Variants in PTPDC1 observed in about 807,000 individuals in gnomAD.
The protein encoded by PTPDC1 is protein tyrosine phosphatase domain containing 1.
PTPDC1 carries 53 observed loss-of-function variants against 75.3 expected under a neutral mutation model. That is an observed-to-expected ratio of 0.70 (90% confidence interval 0.56 to 0.88). The LOEUF (loss-of-function observed/expected upper bound fraction) is 0.88, where lower values mean the gene tolerates loss of function less well. Among genes scored for constraint, PTPDC1 ranks in the 40% least tolerant of loss-of-function variants. PTPDC1 has a pLI of 0.00. For missense variants in PTPDC1, 925 were observed against 998.6 expected (o/e 0.93, Z 0.99); for synonymous variants, 349 against 366.2 (o/e 0.95, Z 0.54).
intron 1 of PTPDC1, chr9:94,031,163 G>C (rs939111311): frequency 3.3e-5 from 5 of 152,220 alleles, no homozygotes; most frequent in African/African-American, 1.2e-4. Context: ...CGCACACTCA[G>C]TATGGTTCTT....
At chr9:94,051,492 A>T (rs1483880860) in intron 1 of PTPDC1, among the ~76,000 whole-genome samples, 2 of 152,180 alleles carry the variant, frequency 1.3e-5, no homozygotes, top group African/African-American at 4.8e-5. Context: ...TTGGGCGATG[A>T]TCCCTACTCT....
chr9:94,049,196 C>T (rs1392929689), intron 1 of PTPDC1, among the ~76,000 whole-genome samples: 3 of 152,092 alleles, frequency 2.0e-5, no homozygotes, highest in Non-Finnish European at 4.4e-5. Context: ...AGCATTTAGC[C>T]CATTTACATT....
At position 94,101,611 on chromosome 9, in the gene PTPDC1, G is replaced by A. The variant is rs764720936; in HGVS notation, c.2059G>A (p.Glu687Lys). 13 of 1,613,352 alleles carry A rather than the reference G, an allele frequency of 8.1e-6. No individual in the cohort carries two copies. Among genetic ancestry groups the A allele is most frequent in the South Asian group, 3.3e-5 (3 of 91,010 alleles). The change falls in exon 7 of 9, where the codon GAG (glutamate) becomes AAG (lysine). Residue 687 changes from glutamate (E) to lysine (K), a missense_variant. Coordinates refer to ENST00000620992, the MANE Select transcript of PTPDC1 (RefSeq NM_001253829.2). ...RDGAWERICG[E>K]RDPFILCSLM... is the part of the protein sequence containing the mutation. ...TGGAGCTTGGGAAAGAATATGTGGC[G>A]AGAGGGACCCTTTCATCCTATGCAG...
At chr9:94,102,705 G>A (rs372884641) in intron 7 of PTPDC1, among the ~76,000 whole-genome samples, 2 of 152,026 alleles carry the variant, frequency 1.3e-5, no homozygotes, top group East Asian at 3.9e-4. Context: ...TCAGCCTCCC[G>A]AGTAGCTGGG....
At chr9:94,057,196 A>G (rs779661059) in intron 1 of PTPDC1, among the ~76,000 whole-genome samples, 3 of 152,108 alleles carry the variant, frequency 2.0e-5, no homozygotes, top group Non-Finnish European at 4.4e-5. Flanking sequence ...CTCCCACCTC[A>G]GCCTCCCAAG....
chr9:94,103,197 C>T (rs1252200045), intron 7 of PTPDC1, among the ~76,000 whole-genome samples: 1 of 152,166 alleles, frequency 6.6e-6, no homozygotes, highest in Non-Finnish European at 1.5e-5. Context: ...TATCCGAAGT[C>T]CTTTTCTTAG....
At chr9:94,053,432 A>G (rs1365935374) in intron 1 of PTPDC1, among the ~76,000 whole-genome samples, 3 of 152,200 alleles carry the variant, frequency 2.0e-5, no homozygotes, top group African/African-American at 7.2e-5. Context: ...TCAGTTTAAA[A>G]GAAGACTATT....
intron 1 of PTPDC1, among the ~76,000 whole-genome samples, 162 bp from the exon 2 acceptor site, chr9:94,085,089 T>C (rs1827023195): frequency 6.6e-6 from 1 of 152,236 alleles, no homozygotes; most frequent in African/African-American, 2.4e-5. Flanking sequence ...AAGAGATATA[T>C]GTCACTTTGA....
At chr9:94,039,049 G>A (rs193177514) in intron 1 of PTPDC1, among the ~76,000 whole-genome samples, 205 of 152,250 alleles carry the variant, frequency 1.3e-3, no homozygotes, top group African/African-American at 4.6e-3. Context: ...TTATAATTTA[G>A]GATGGTCTTT....
intron 1 of PTPDC1, among the ~76,000 whole-genome samples, chr9:94,047,951 A>G (rs1305316293): frequency 6.6e-6 from 1 of 152,256 alleles, no homozygotes. Flanking sequence ...AAAAAAGTCC[A>G]GGAGCAGATG....
chr9:94,037,736 T>A (rs1201199184), intron 1 of PTPDC1, among the ~76,000 whole-genome samples: 1 of 152,048 alleles, frequency 6.6e-6, no homozygotes, highest in Non-Finnish European at 1.5e-5. Flanking sequence ...CCCCTTTCGG[T>A]CCTTAATTCC....
rs1008684658 is a variant in PTPDC1, at chr9:94,089,071, A to AT, written c.616+817dup. Among the ~76,000 whole-genome samples, 73 of 142,206 alleles carry AT rather than the reference A, an allele frequency of 5.1e-4. No individual in the cohort carries two copies. In the South Asian group the frequency reaches 6.9e-3, roughly 13 times the overall value. The allele number at this position is 142,206 out of a possible 152,430, so 93.3% of individuals were successfully genotyped here. A position where few individuals can be genotyped will look rare whatever the true frequency, so the allele number is the denominator to read the frequency against. On this transcript the variant is annotated intron_variant, in intron 4 of 8. Transcript: ENST00000620992. Reference sequence around the variant, plus strand: ...TTTTTCATATTTACATTTTTATTTTATTTTTTTTTAATTTTTTTTTATTAT... The same window carrying AT: ...TTTTTCATATTTACATTTTTATTTTATTTTTTTTTTAATTTTTTTTTATTAT...
At position 94,034,790 on chromosome 9, in the gene PTPDC1, CTT is replaced by C. The variant is rs768427405; in HGVS notation, c.-7+3665_-7+3666del. Among the ~76,000 whole-genome samples, 109 of 152,096 alleles carry C rather than the reference CTT, an allele frequency of 7.2e-4. No homozygotes were observed. The Middle Eastern group carries it at 0.01, about 14-fold the overall frequency. Reference sequence around the variant, plus strand: ...ATTAGAAAATTGTGCCCCCAATAATCTTTCTCAGTGGTTTCTCTGAATTTTTT... The same window carrying C: ...ATTAGAAAATTGTGCCCCCAATAATCTCTCAGTGGTTTCTCTGAATTTTTT... On this transcript the variant is annotated intron_variant, in intron 1 of 9. Coordinates refer to the PTPDC1 transcript ENST00000375360.
In PTPDC1 at chr9:94,095,345, T is replaced by A; in HGVS notation, c.645T>A (p.Asp215Glu). 6.2e-7 allele frequency: 1 copy of A among 1,610,210 alleles called. No individual in the cohort carries two copies. Among genetic ancestry groups the A allele is most frequent in the Non-Finnish European group, 8.5e-7 (1 of 1,178,304 alleles). The change falls in exon 5 of 9, where the codon GAT becomes GAA. Residue 215 changes from aspartate (D) to glutamate (E), a missense_variant. By Grantham distance (45) the Asp-to-Glu change is conservative (BLOSUM62 2). Transcript: ENST00000620992. The stretch of plus-strand genomic sequence containing the variant: ...ACTTCTACAATTTCGGATGGAAGGA[T>A]TATGGTGTAGCGTCTCTTACTACTA... ...GIYFYNFGWK[D>E]YGVASLTTIL... is the part of the protein sequence containing the mutation.
At chr9:94,082,259 T>A (rs1826908068), upstream of PTPDC1, among the ~76,000 whole-genome samples, 1 of 152,246 alleles carries the variant, frequency 6.6e-6, no homozygotes, top group Admixed American at 6.5e-5. Context: ...AACTCCTCCG[T>A]GGACTTAAGA....
intron 4 of PTPDC1, 114 bp downstream of exon 4, chr9:94,088,377 G>A (rs1465200796): frequency 5.6e-6 from 7 of 1,242,248 alleles, no homozygotes; most frequent in Non-Finnish European, 7.7e-6. Context: ...CTGCATCATA[G>A]TAAGGTTTAG....
intron 2 of PTPDC1, among the ~76,000 whole-genome samples, chr9:94,071,964 G>A (rs777027619): frequency 7.9e-5 from 12 of 152,004 alleles, no homozygotes; most frequent in East Asian, 1.9e-4. Flanking sequence ...TTATACTTAA[G>A]TATTTCATTT....
intron 5 of PTPDC1, among the ~76,000 whole-genome samples, chr9:94,096,421 G>A (rs1827570357): frequency 6.6e-6 from 1 of 152,202 alleles, no homozygotes; most frequent in African/African-American, 2.4e-5. Context: ...CTGTGAACTG[G>A]AGAGCATGCA....
At chr9:94,074,456 C>T (rs111321962) in intron 2 of PTPDC1, among the ~76,000 whole-genome samples, 1 of 152,168 alleles carries the variant, frequency 6.6e-6, no homozygotes, top group Admixed American at 6.5e-5. Context: ...AAGTAGAGGG[C>T]AACTCACACT....
Sources: gnomAD v4.1 joint callset for allele counts (sites outside exome capture counted in the v4.1 genomes callset) on GRCh38, gnomAD v4.1.1 for gene constraint, MANE v1.5 for transcripts, NCBI Gene and HGNC (gene_info 2026-07-23, HGNC 2026-07-21) for gene names.